Variants in RYR2 observed in about 807,000 individuals in gnomAD.
RYR2 encodes cardiac muscle ryanodine receptor-calcium release channel.
RYR2 carries 227 observed loss-of-function variants against 601.1 expected under a neutral mutation model. The ratio of observed to expected loss-of-function variants is 0.38; its 90% CI spans 0.34 to 0.42. The LOEUF is 0.42. RYR2 is among the 10% of genes least tolerant of loss of function. The pLI, the probability that RYR2 is intolerant of heterozygous loss-of-function variation, is 1.00. For missense variants in RYR2, 4,646 were observed against 6,156.5 expected (o/e 0.75, Z 8.21); for synonymous variants, 2,223 against 2,175.1 (o/e 1.02, Z -0.61).
At chr1:237,549,104 A>C (rs553552268) in intron 26 of RYR2, among the ~76,000 whole-genome samples, 3 of 152,180 alleles carry the variant, frequency 2.0e-5, no homozygotes, top group Non-Finnish European at 4.4e-5. Flanking sequence ...CATACCAAAG[A>C]GGGGTAAAGG....
rs71585722 is a variant in RYR2, at chr1:237,259,546, A to AGAGAG, written c.49-10951_49-10950insGAGAG. ...AGACCATTTAAAAAAAAAAAAAAAA[A>AGAGAG]AGAGAGACTACCGTCACCTTGTATA... On this transcript the variant is annotated intron_variant, in intron 1 of 104. Coordinates refer to ENST00000366574, the MANE Select transcript of RYR2 (RefSeq NM_001035.3). Among the ~76,000 whole-genome samples the AGAGAG allele has an allele frequency of 1.7e-4, 25 of 143,850 alleles. No homozygotes were observed. The South Asian group carries it at 2.0e-3, about 12-fold the overall frequency. The allele number at this position is 143,850 out of a possible 152,430, so 94.4% of individuals were successfully genotyped here. A position where few individuals can be genotyped will look rare whatever the true frequency, so the allele number is the denominator to read the frequency against.
intron 2 of RYR2, among the ~76,000 whole-genome samples, chr1:237,272,929 G>T (rs923610711): frequency 1.3e-5 from 2 of 152,138 alleles, no homozygotes; most frequent in African/African-American, 4.8e-5. Flanking sequence ...CTTAACATCT[G>T]TAGAGATATA....
At chr1:237,331,860 G>C (rs191264091) in intron 3 of RYR2, among the ~76,000 whole-genome samples, 92 of 152,106 alleles carry the variant, frequency 6.0e-4, no homozygotes, top group African/African-American at 2.0e-3. Flanking sequence ...TTCTTTCAAA[G>C]CCTATTTGGT....
intron 52 of RYR2, 116 bp downstream of exon 52, chr1:237,654,530 C>A: frequency 1.0e-6 from 1 of 991,764 alleles, no homozygotes; most frequent in Non-Finnish European, 1.4e-6. Flanking sequence ...ACACGTATGG[C>A]TTGATTTTTT....
In RYR2 at chr1:237,555,265, A is replaced by G. The variant is rs566293229; in HGVS notation, c.3214+4574A>G. On this transcript the variant is annotated intron_variant, in intron 27 of 104. Transcript: ENST00000366574. ...TCCAATAGTGTTTTTGCATATTTTC[A>G]AATATTTGATTCAACTACTCTCTTT... The G allele has an allele frequency of 2.0e-5, 3 of 152,244 alleles. No individual in the cohort carries two copies. In the East Asian group the frequency reaches 5.8e-4, roughly 29 times the overall value. The allele number at this position is 152,244 out of a possible 1,614,324, so 9.4% of individuals were successfully genotyped here.
In RYR2 at chr1:237,335,494, G is replaced by A. The variant is rs929302887; in HGVS notation, c.273+4512G>A. ...AATAATTATCATCTGTTGAAAAGGC[G>A]TTGCTTTGGTTTAATGCCATGAGTC... On this transcript the variant is annotated intron_variant, in intron 3 of 104. Transcript: ENST00000366574. Among the ~76,000 whole-genome samples the A allele has an allele frequency of 1.1e-4, 16 of 152,234 alleles. 1 individual carries two copies. Among genetic ancestry groups the A allele is most frequent in the Middle Eastern group, 3.4e-3 (1 of 294 alleles).
chr1:237,795,861 T>TAC (rs57595130), intron 96 of RYR2, among the ~76,000 whole-genome samples: 2 of 141,876 alleles, frequency 1.4e-5, no homozygotes, highest in African/African-American at 5.5e-5. Context: ...TATATGTATA[T>TAC]ATATATATAT....
At position 237,180,623 on chromosome 1, in the gene RYR2, T is replaced by TAA. The variant is rs1296622175; in HGVS notation, c.49-89874_49-89873insAA. 3.6e-3 allele frequency among the ~76,000 whole-genome samples: 22 copies of TAA among 6,122 alleles called. No individual in the cohort carries two copies. The highest frequency in any genetic ancestry group is 6.4e-3 in the African/African-American group (21 of 3,300). The allele number at this position is 6,122 out of a possible 152,430, so 4.0% of individuals were successfully genotyped here. ...GTATATATATGTATATATGTATATA[T>TAA]GTATATGTGTATATATGTATATGTA... On this transcript the variant is annotated intron_variant, in intron 1 of 104. Coordinates refer to ENST00000366574, the MANE Select transcript of RYR2 (RefSeq NM_001035.3). This position sits in a 1 kb window ranked among gnomAD's most constrained non-coding sequence, Gnocchi z 5.3.
At chr1:237,320,507 A>G (rs1381574257) in intron 2 of RYR2, among the ~76,000 whole-genome samples, 1 of 152,218 alleles carries the variant, frequency 6.6e-6, no homozygotes, top group Non-Finnish European at 1.5e-5. Flanking sequence ...AAAGATTAAT[A>G]GGACTCTGAA....
intron 1 of RYR2, among the ~76,000 whole-genome samples, chr1:237,109,779 A>G (rs1427107547): frequency 6.6e-6 from 1 of 152,064 alleles, no homozygotes; most frequent in African/African-American, 2.4e-5. Flanking sequence ...GGAAATTTAC[A>G]TGATTGCCAA....
intron 1 of RYR2, among the ~76,000 whole-genome samples, chr1:237,242,934 C>T (rs1686365845): frequency 6.6e-6 from 1 of 152,134 alleles, no homozygotes; most frequent in Non-Finnish European, 1.5e-5. Flanking sequence ...AGTGAAAAGT[C>T]TGGGGTAGGG....
intron 12 of RYR2, among the ~76,000 whole-genome samples, chr1:237,436,454 CTTTTTTTTTTTT>C (rs551140501): frequency 2.1e-5 from 1 of 48,730 alleles, no homozygotes; most frequent in South Asian, 7.5e-4. Flanking sequence ...TGTGATTTTC[CTTTTTTTTTTTT>C]TTTTTTTTTT....
chr1:237,683,391 T>C (rs1362950926), intron 62 of RYR2, among the ~76,000 whole-genome samples: 2 of 152,172 alleles, frequency 1.3e-5, no homozygotes, highest in African/African-American at 4.8e-5. Flanking sequence ...AGTAGCTAAA[T>C]ACGTGAATAT....
chr1:237,358,050 C>T (rs147653009), intron 4 of RYR2, among the ~76,000 whole-genome samples: 7 of 152,210 alleles, frequency 4.6e-5, no homozygotes, highest in South Asian at 2.1e-4. Context: ...TACAGGTAGA[C>T]TTTGAAGGCC....
chr1:237,761,601 T>A (rs1185269097), intron 84 of RYR2, among the ~76,000 whole-genome samples: 5 of 152,224 alleles, frequency 3.3e-5, no homozygotes, highest in Non-Finnish European at 7.3e-5. Flanking sequence ...ACACGTGATC[T>A]TAGAATTTTT....
At chr1:237,088,102 A>G (rs1387915899) in intron 1 of RYR2, among the ~76,000 whole-genome samples, 2 of 151,804 alleles carry the variant, frequency 1.3e-5, no homozygotes, top group African/African-American at 4.8e-5. Context: ...ATTGGATACT[A>G]TTGGAAATTA....
At chr1:237,068,883 G>A (rs4623687) in intron 1 of RYR2, among the ~76,000 whole-genome samples, 114,046 of 152,002 alleles carry the variant, frequency 0.75, 43,843 homozygotes, top group East Asian at 0.99. Context: ...GCTCCTAGGT[G>A]AGCCAGTTGA....
chr1:237,275,166 T>C (rs1417201087), intron 2 of RYR2, among the ~76,000 whole-genome samples: 2 of 152,036 alleles, frequency 1.3e-5, no homozygotes, highest in Admixed American at 6.5e-5. Context: ...TCATTTTAAA[T>C]AAAAATGAAA....
intron 29 of RYR2, among the ~76,000 whole-genome samples, chr1:237,579,143 A>T (rs552074043): frequency 6.6e-6 from 1 of 152,274 alleles, no homozygotes; most frequent in East Asian, 1.9e-4. Context: ...ACCAATTTAA[A>T]AAATCAGAAC....
Sources: gnomAD v4.1 joint callset for allele counts (sites outside exome capture counted in the v4.1 genomes callset) on GRCh38, gnomAD v4.1.1 for gene constraint, Gnocchi (gnomAD v3.1) non-coding constraint, MANE v1.5 for transcripts, NCBI Gene and HGNC (gene_info 2026-07-23, HGNC 2026-07-21) for gene names.